C12orf42: variants seen among roughly 807,000 people sequenced by gnomAD.
C12orf42 encodes the protein chromosome 12 open reading frame 42.
A neutral mutation model predicts 21.6 loss-of-function variants in C12orf42; 25 were observed. The observed-to-expected ratio is 1.16, with a 90% CI of 0.84 to 1.62. C12orf42 has a LOEUF of 1.62. Among genes scored for constraint, C12orf42 ranks in the 40% most tolerant of loss-of-function variants. The pLI, the probability that C12orf42 is intolerant of heterozygous loss-of-function variation, is 0.00. For synonymous variants in C12orf42, 174 were observed against 175.0 expected (o/e 0.99, Z 0.05); for missense variants, 483 against 459.3 (o/e 1.05, Z -0.47).
chr12:103,507,910 TG>T, the C12orf42 span, among the ~76,000 whole-genome samples: 1 of 152,104 alleles, frequency 6.6e-6, no homozygotes, highest in South Asian at 2.1e-4. Flanking sequence ...AGGACGTGGA[TG>T]TGACAATGCA....
chr12:103,370,453 AC>A (rs2045091994), intron 3 of C12orf42, among the ~76,000 whole-genome samples: 1 of 152,190 alleles, frequency 6.6e-6, no homozygotes, highest in Admixed American at 6.5e-5. Context: ...AGCACTATTC[AC>A]AATAGCAAAG....
the C12orf42 span, among the ~76,000 whole-genome samples, chr12:103,548,329 A>C: frequency 6.6e-6 from 1 of 152,244 alleles, no homozygotes; most frequent in Non-Finnish European, 1.5e-5. Context: ...TACAGGTTAA[A>C]CTACATGAAA....
chr12:103,299,301 G>A (rs974909813), downstream of C12orf42, among the ~76,000 whole-genome samples: 12 of 151,646 alleles, frequency 7.9e-5, no homozygotes, highest in East Asian at 1.9e-4. Context: ...ATTAATATAC[G>A]TTAAACAGGA....
chr12:103,227,029 G>A, the C12orf42 span, among the ~76,000 whole-genome samples: 3 of 152,142 alleles, frequency 2.0e-5, no homozygotes, highest in Admixed American at 1.3e-4. Flanking sequence ...TTTGTATTGG[G>A]GTCAAGCGGC....
chr12:103,059,796 A>C, the C12orf42 span, among the ~76,000 whole-genome samples: 1 of 152,326 alleles, frequency 6.6e-6, no homozygotes, highest in Non-Finnish European at 1.5e-5. Context: ...CATGTTAAAA[A>C]CTCTCAATAA....
At chr12:103,059,609 T>C in the C12orf42 span, among the ~76,000 whole-genome samples, 85,619 of 151,996 alleles carry the variant, frequency 0.56, 24,582 homozygotes, top group East Asian at 0.77. Flanking sequence ...TCCAGCAGCA[T>C]ATCAAAAAGC....
intron 3 of C12orf42, among the ~76,000 whole-genome samples, chr12:103,370,492 A>G (rs949731194): frequency 2.6e-5 from 4 of 152,132 alleles, no homozygotes; most frequent in Non-Finnish European, 4.4e-5. Flanking sequence ...ATGCCTATCA[A>G]TGTTGGACTG....
At chr12:103,285,970 G>A (rs1226816446) in intron 4 of C12orf42, among the ~76,000 whole-genome samples, 1 of 152,210 alleles carries the variant, frequency 6.6e-6, no homozygotes, top group African/African-American at 2.4e-5. Flanking sequence ...ATGAGGCCGG[G>A]CGTGGTGGCT....
the C12orf42 span, among the ~76,000 whole-genome samples, chr12:103,072,403 C>T: frequency 6.6e-6 from 1 of 151,442 alleles, no homozygotes; most frequent in Non-Finnish European, 1.5e-5. Context: ...TCGGAAACTT[C>T]TTTAACAAAT....
the C12orf42 span, among the ~76,000 whole-genome samples, chr12:103,204,914 T>C: frequency 6.6e-6 from 1 of 152,002 alleles, no homozygotes. Flanking sequence ...TCTTATTTAA[T>C]TCACTAGGAA....
the C12orf42 span, among the ~76,000 whole-genome samples, chr12:103,061,680 T>C: frequency 6.6e-6 from 1 of 152,034 alleles, no homozygotes. Flanking sequence ...TTGATATTGG[T>C]ATAGCTATAT....
chr12:103,190,892 C>T, the C12orf42 span, among the ~76,000 whole-genome samples: 1 of 151,902 alleles, frequency 6.6e-6, no homozygotes. Context: ...AGAAAATAAA[C>T]ATCCAAATTC....
intron 2 of C12orf42, among the ~76,000 whole-genome samples, chr12:103,465,630 T>C (rs1252619937): frequency 2.0e-5 from 3 of 152,178 alleles, no homozygotes; most frequent in African/African-American, 7.2e-5. Context: ...GAACTTCCAA[T>C]ACTATGTTGA....
the C12orf42 span, among the ~76,000 whole-genome samples, chr12:103,117,281 CAT>C: frequency 1.3e-5 from 2 of 152,132 alleles, no homozygotes; most frequent in East Asian, 1.9e-4. Flanking sequence ...TTAGATTCCA[CAT>C]GAGTGAGAAT....
At chr12:103,507,990 T>G in the C12orf42 span, among the ~76,000 whole-genome samples, 6 of 152,148 alleles carry the variant, frequency 3.9e-5, no homozygotes, top group Non-Finnish European at 8.8e-5. Flanking sequence ...GGGCATTGGA[T>G]GCAGGGGAAT....
At chr12:103,314,321 G>A (rs972963475) in intron 4 of C12orf42, among the ~76,000 whole-genome samples, 1 of 152,132 alleles carries the variant, frequency 6.6e-6, no homozygotes, top group Non-Finnish European at 1.5e-5. Context: ...AATTTAGAAG[G>A]CAGCCGGCAG....
the C12orf42 span, among the ~76,000 whole-genome samples, chr12:103,201,529 C>A: frequency 1.4e-3 from 206 of 152,276 alleles, no homozygotes; most frequent in African/African-American, 4.6e-3. Context: ...TTGCTCAGCT[C>A]ATGAGGCACC....
chr12:103,431,589 C>A (rs1354382919), intron 2 of C12orf42, among the ~76,000 whole-genome samples: 1 of 152,148 alleles, frequency 6.6e-6, no homozygotes, highest in African/African-American at 2.4e-5. Context: ...TGAAAGTCAA[C>A]TATGAGGGTC....
At chr12:103,115,196 A>G in the C12orf42 span, among the ~76,000 whole-genome samples, 5 of 152,240 alleles carry the variant, frequency 3.3e-5, no homozygotes, top group African/African-American at 1.2e-4. Flanking sequence ...CTAGGCTGCC[A>G]TGCAATAAAT....
Sources: gnomAD v4.1 joint callset for allele counts (sites outside exome capture counted in the v4.1 genomes callset) on GRCh38, gnomAD v4.1.1 for gene constraint, MANE v1.5 for transcripts, NCBI Gene and HGNC (gene_info 2026-07-23, HGNC 2026-07-21) for gene names.